DNAJC12: variants seen among roughly 807,000 people sequenced by gnomAD.
DNAJC12 encodes the protein DnaJ heat shock protein family (Hsp40) member C12.
A neutral mutation model predicts 28.5 loss-of-function variants in DNAJC12; 25 were observed. The ratio of observed to expected loss-of-function variants is 0.88; its 90% CI spans 0.64 to 1.22. The LOEUF is 1.22. Ranked by LOEUF, DNAJC12 falls within the 50% of genes most tolerant of loss-of-function variation. DNAJC12 has a pLI of 0.00. For synonymous variants in DNAJC12, 77 were observed against 80.6 expected (o/e 0.95, Z 0.24); for missense variants, 222 against 231.7 (o/e 0.96, Z 0.27).
chr10:67,804,053 A>G (rs10997817), intron 4 of DNAJC12, among the ~76,000 whole-genome samples: 19,310 of 152,284 alleles, frequency 0.13, 1,527 homozygotes, highest in East Asian at 0.3. Context: ...TCTTTTGAAT[A>G]CAAGTGTTCT....
At position 67,796,850 on chromosome 10, in the gene DNAJC12, T is replaced by A; in HGVS notation, c.*266A>T. 3.8e-6 allele frequency: 1 copy of A among 265,558 alleles called. No individual in the cohort carries two copies. The highest frequency in any genetic ancestry group is 7.1e-6 in the Non-Finnish European group (1 of 140,756). The allele number at this position is 265,558 out of a possible 1,614,324, so 16.5% of individuals were successfully genotyped here. A position where few individuals can be genotyped will look rare whatever the true frequency, so the allele number is the denominator to read the frequency against. ...TTGCTTTTTAATGGATTTCTATAAG[T>A]AGTATTAATAGGAAAAAGCATATAA... On this transcript the variant is annotated 3_prime_UTR_variant, in exon 5 of 5. Coordinates refer to ENST00000225171, the MANE Select transcript of DNAJC12 (RefSeq NM_021800.3).
At chr10:67,812,007 A>G (rs1841865669) in intron 2 of DNAJC12, among the ~76,000 whole-genome samples, 1 of 152,230 alleles carries the variant, frequency 6.6e-6, no homozygotes, top group Non-Finnish European at 1.5e-5. Flanking sequence ...ATAGGAAGAA[A>G]ACTACCTTTT....
At chr10:67,799,890 A>AAAAAG (rs1390981513) in intron 4 of DNAJC12, among the ~76,000 whole-genome samples, 1 of 150,096 alleles carries the variant, frequency 6.7e-6, no homozygotes, top group Non-Finnish European at 1.5e-5. Flanking sequence ...AAAAAAAAAA[A>AAAAAG]ATGTAGTTTC....
rs748597076 is a variant in DNAJC12, at chr10:67,805,734, G to T, written c.351C>A (p.Asp117Glu). ...TTTCCATCTTGGTGGTATGAGTCTT[G>T]TCAGATTCTTCCAGCATCAGGTCTT... is the stretch of plus-strand genomic sequence containing the variant. ...GKKDLMLEES[D>E]KTHTTKMENE... Residue 117 changes from aspartate (D) to glutamate (E), a missense_variant, in exon 4 of 5, where the codon GAC becomes GAA. Coordinates refer to ENST00000225171, the MANE Select transcript of DNAJC12 (RefSeq NM_021800.3). 4 of 1,611,174 alleles carry T rather than the reference G, an allele frequency of 2.5e-6. No homozygotes were observed. In the Admixed American group the frequency reaches 6.7e-5, roughly 27 times the overall value.
chr10:67,804,182 T>C (rs1295521774), intron 4 of DNAJC12, among the ~76,000 whole-genome samples: 2 of 152,176 alleles, frequency 1.3e-5, no homozygotes, highest in African/African-American at 4.8e-5. Context: ...ACAATGTGTG[T>C]ATATACAACA....
chr10:67,837,580 A>G (rs549696508), intron 1 of DNAJC12, among the ~76,000 whole-genome samples: 10 of 152,280 alleles, frequency 6.6e-5, no homozygotes, highest in Admixed American at 4.6e-4. Flanking sequence ...ATGAGTCACC[A>G]TAATAAAGGT....
rs1296581371 is a variant in DNAJC12, at chr10:67,796,972, G to A, written c.*144C>T. On this transcript the variant is annotated 3_prime_UTR_variant, in exon 5 of 5. Transcript: ENST00000225171. ...TTATTTAAAAAGCATTATGAGAACT[G>A]ATTCAAGGATGGAGGAATCAATTAG... 1.9e-6 allele frequency: 1 copy of A among 535,260 alleles called. No homozygotes were observed. Among genetic ancestry groups the A allele is most frequent in the Non-Finnish European group, 3.3e-6 (1 of 307,188 alleles). The allele number at this position is 535,260 out of a possible 1,614,324, so 33.2% of individuals were successfully genotyped here.
chr10:67,819,043 T>C (rs1564862752), intron 2 of DNAJC12, among the ~76,000 whole-genome samples: 1 of 150,746 alleles, frequency 6.6e-6, no homozygotes, highest in Non-Finnish European at 1.5e-5. Context: ...AAGAAATGTT[T>C]GGGCCAGGGG....
chr10:67,819,331 T>C (rs1448171769), intron 2 of DNAJC12, among the ~76,000 whole-genome samples: 2 of 144,938 alleles, frequency 1.4e-5, no homozygotes, highest in Non-Finnish European at 3.0e-5. Flanking sequence ...CGAGAAGCCG[T>C]CTCAAAAAAG....
In DNAJC12 at chr10:67,823,179, T is replaced by C. The variant is rs75536697; in HGVS notation, c.157+135A>G. The C allele has an allele frequency of 6.1e-3, 4,212 of 694,716 alleles. 140 individuals are homozygous for C. The African/African-American group carries it at 0.067, about 11-fold the overall frequency. 43.0% of individuals were successfully genotyped at this position (694,716 alleles called of 1,614,324 possible). A position where few individuals can be genotyped will look rare whatever the true frequency, so the allele number is the denominator to read the frequency against. On this transcript the variant is annotated intron_variant, in intron 2 of 4. Coordinates refer to ENST00000225171, the MANE Select transcript of DNAJC12 (RefSeq NM_021800.3). ...TGCACAGCCCTCTCCCTTTCTATCA[T>C]CCAATAGTGCAAAGAAAGAATACGG...
At chr10:67,824,171 G>A (rs1331438593) in intron 1 of DNAJC12, among the ~76,000 whole-genome samples, 1 of 150,914 alleles carries the variant, frequency 6.6e-6, no homozygotes, top group African/African-American at 2.4e-5. Flanking sequence ...GGGAGGCAGA[G>A]GTTGCAGTGA....
chr10:67,818,398 T>G (rs1020181287), intron 2 of DNAJC12, among the ~76,000 whole-genome samples: 1 of 152,184 alleles, frequency 6.6e-6, no homozygotes, highest in African/African-American at 2.4e-5. Flanking sequence ...TTGATGTCTG[T>G]GTACCTTTTC....
At chr10:67,799,781 G>A (rs895285549) in intron 4 of DNAJC12, among the ~76,000 whole-genome samples, 1 of 151,934 alleles carries the variant, frequency 6.6e-6, no homozygotes, top group Non-Finnish European at 1.5e-5. Context: ...TACTCAGGAG[G>A]CTGAGGCAGG....
At chr10:67,808,907 G>A (rs1025259352) in intron 3 of DNAJC12, among the ~76,000 whole-genome samples, 4 of 152,130 alleles carry the variant, frequency 2.6e-5, no homozygotes, top group Non-Finnish European at 4.4e-5. Context: ...GTGAAACTGT[G>A]GCCATGTGGG....
chr10:67,797,522 A>G (rs1480264041), intron 4 of DNAJC12, among the ~76,000 whole-genome samples: 1 of 151,478 alleles, frequency 6.6e-6, no homozygotes, highest in Non-Finnish European at 1.5e-5. Flanking sequence ...CAAATTACAC[A>G]GTTTTCAAAA....
At chr10:67,797,277 C>G (rs977037626) in intron 4 of DNAJC12, 67 bp from the exon 5 acceptor site, 1 of 1,307,550 alleles carries the variant, frequency 7.6e-7, no homozygotes, top group African/African-American at 1.5e-5. Flanking sequence ...TATAGTAAAA[C>G]AGCTTGGGGA....
At chr10:67,802,840 T>TGC (rs2131789156) in intron 4 of DNAJC12, among the ~76,000 whole-genome samples, 1 of 85,476 alleles carries the variant, frequency 1.2e-5, no homozygotes, top group East Asian at 7.1e-4. Context: ...TTATTGTGCG[T>TGC]GTGTGTGTGT....
At chr10:67,819,193 C>T (rs1319777437) in intron 2 of DNAJC12, among the ~76,000 whole-genome samples, 2 of 151,698 alleles carry the variant, frequency 1.3e-5, no homozygotes, top group African/African-American at 2.4e-5. Flanking sequence ...ATTAGCCGGG[C>T]GCGGTGGCAG....
chr10:67,812,320 G>T (rs1467972209), intron 2 of DNAJC12, among the ~76,000 whole-genome samples: 1 of 152,166 alleles, frequency 6.6e-6, no homozygotes, highest in African/African-American at 2.4e-5. Context: ...CAATCAACCA[G>T]GGCCTGAGAT....
Sources: allele counts gnomAD v4.1 joint callset (sites outside exome capture counted in the v4.1 genomes callset), GRCh38; gene constraint gnomAD v4.1.1; transcripts MANE v1.5; gene names NCBI Gene and HGNC (gene_info 2026-07-23, HGNC 2026-07-21).